ROBO1: variants seen among roughly 807,000 people sequenced by gnomAD.
ROBO1 encodes roundabout homolog 1.
Under a neutral mutation model 195.9 loss-of-function variants are expected in ROBO1, and 149 were observed. The ratio of observed to expected loss-of-function variants is 0.76; its 90% CI spans 0.67 to 0.87. ROBO1 has a LOEUF of 0.87. ROBO1 is among the 40% of genes least tolerant of loss of function. The pLI is 0.00. For missense variants in ROBO1, 1,933 were observed against 2,068.3 expected (o/e 0.93, Z 1.27); for synonymous variants, 816 against 733.2 (o/e 1.11, Z -1.82).
At chr3:79,500,773 G>C (rs1010780426) in intron 2 of ROBO1, among the ~76,000 whole-genome samples, 12 of 152,152 alleles carry the variant, frequency 7.9e-5, no homozygotes, top group Non-Finnish European at 1.3e-4. Context: ...CTTTTTCAGA[G>C]AGGCTAAATT....
intron 3 of ROBO1, 106 bp downstream of exon 3, chr3:79,125,350 A>C (rs1399328192): frequency 2.3e-6 from 2 of 873,300 alleles, no homozygotes; most frequent in Non-Finnish European, 3.7e-6. Context: ...TGTGGTTGTT[A>C]GCTGGAAGCA....
At chr3:79,704,826 T>A (rs1317634458) in intron 1 of ROBO1, among the ~76,000 whole-genome samples, 1 of 152,052 alleles carries the variant, frequency 6.6e-6, no homozygotes, top group Non-Finnish European at 1.5e-5. Context: ...AGTTCTTGTT[T>A]TTCCACATTC....
chr3:78,779,949 T>A (rs1028013381), intron 4 of ROBO1, among the ~76,000 whole-genome samples: 2 of 152,174 alleles, frequency 1.3e-5, no homozygotes, highest in African/African-American at 4.8e-5. Flanking sequence ...GTTCATGTCC[T>A]TTGCAAGGAC....
At chr3:79,481,970 T>C (rs1187181211) in intron 2 of ROBO1, among the ~76,000 whole-genome samples, 3 of 152,200 alleles carry the variant, frequency 2.0e-5, no homozygotes, top group African/African-American at 7.2e-5. Context: ...GTATATCCTA[T>C]GCTTTTTCCT....
intron 10 of ROBO1, among the ~76,000 whole-genome samples, chr3:78,675,049 A>G (rs1052887699): frequency 2.0e-5 from 3 of 152,092 alleles, no homozygotes; most frequent in Non-Finnish European, 4.4e-5. Flanking sequence ...TATAATACGT[A>G]TCATATACAG....
At chr3:79,206,910 T>C (rs933294373) in intron 2 of ROBO1, among the ~76,000 whole-genome samples, 3 of 152,178 alleles carry the variant, frequency 2.0e-5, no homozygotes, top group African/African-American at 7.2e-5. Context: ...TCATAAAATA[T>C]GTTACAATTT....
intron 1 of ROBO1, among the ~76,000 whole-genome samples, chr3:79,611,950 G>T (rs1178928117): frequency 6.6e-6 from 1 of 151,820 alleles, no homozygotes; most frequent in African/African-American, 2.4e-5. Flanking sequence ...AGAAAGAGAT[G>T]AAGTAATGTT....
At chr3:78,928,724 C>T (rs190860106) in intron 4 of ROBO1, among the ~76,000 whole-genome samples, 35 of 152,262 alleles carry the variant, frequency 2.3e-4, no homozygotes, top group Admixed American at 9.2e-4. Flanking sequence ...CAAGAGTCAA[C>T]GAGATTGCAA....
At chr3:78,819,228 G>A (rs2030561497) in intron 4 of ROBO1, among the ~76,000 whole-genome samples, 1 of 151,948 alleles carries the variant, frequency 6.6e-6, no homozygotes, top group African/African-American at 2.4e-5. Flanking sequence ...TGTATTTGAT[G>A]CACATACGAT....
At chr3:79,673,141 T>C (rs959780413) in intron 1 of ROBO1, among the ~76,000 whole-genome samples, 2 of 152,024 alleles carry the variant, frequency 1.3e-5, no homozygotes, top group Admixed American at 6.6e-5. Context: ...ATAGAATTAT[T>C]CTCGAAAGCC....
intron 2 of ROBO1, among the ~76,000 whole-genome samples, chr3:79,378,827 C>A (rs1345540060): frequency 6.6e-6 from 1 of 152,152 alleles, no homozygotes; most frequent in Non-Finnish European, 1.5e-5. Flanking sequence ...GTGTACAAGA[C>A]AACGAAAGAG....
chr3:79,273,104 G>A (rs566162882), intron 2 of ROBO1, among the ~76,000 whole-genome samples: 1 of 152,200 alleles, frequency 6.6e-6, no homozygotes, highest in South Asian at 2.1e-4. Context: ...TATAAGAAAT[G>A]CTAAAGGAAG....
At chr3:78,980,011 A>G (rs974725915) in intron 3 of ROBO1, among the ~76,000 whole-genome samples, 18 of 152,180 alleles carry the variant, frequency 1.2e-4, no homozygotes, top group African/African-American at 3.9e-4. Flanking sequence ...CACCTTGAGC[A>G]TGTTACAAGT....
intron 5 of ROBO1, among the ~76,000 whole-genome samples, chr3:78,730,506 A>C (rs1159263770): frequency 1.5e-5 from 1 of 65,290 alleles, no homozygotes; most frequent in African/African-American, 3.0e-5. Flanking sequence ...CAGAAGAAGA[A>C]ATATTCCTAA....
At chr3:79,069,077 T>G (rs149048260) in intron 3 of ROBO1, among the ~76,000 whole-genome samples, 407 of 151,974 alleles carry the variant, frequency 2.7e-3, no homozygotes, top group African/African-American at 9.1e-3. Flanking sequence ...AAATTAAAAT[T>G]CTAGTTTTTA....
At chr3:78,950,877 T>G (rs367834027) in intron 3 of ROBO1, among the ~76,000 whole-genome samples, 4 of 151,882 alleles carry the variant, frequency 2.6e-5, no homozygotes, top group East Asian at 3.9e-4. Flanking sequence ...TGAGCTTACA[T>G]TGCTGAGTAA....
chr3:79,700,467 C>T (rs1053313644), intron 1 of ROBO1, among the ~76,000 whole-genome samples: 1 of 151,612 alleles, frequency 6.6e-6, no homozygotes, highest in Non-Finnish European at 1.5e-5. Flanking sequence ...TCCACAGTGG[C>T]TGAACTAATA....
At chr3:79,021,949 G>A (rs894183949) in intron 3 of ROBO1, among the ~76,000 whole-genome samples, 7 of 152,092 alleles carry the variant, frequency 4.6e-5, no homozygotes, top group South Asian at 2.1e-4. Flanking sequence ...CGTGAGCCCT[G>A]CCGCGCCCGG....
intron 4 of ROBO1, among the ~76,000 whole-genome samples, chr3:78,900,413 T>C (rs936792508): frequency 6.6e-6 from 1 of 152,168 alleles, no homozygotes; most frequent in African/African-American, 2.4e-5. Context: ...TTTCAGAATA[T>C]TTTGACAGAC....
Sources: gnomAD v4.1 joint callset for allele counts (sites outside exome capture counted in the v4.1 genomes callset) on GRCh38, gnomAD v4.1.1 for gene constraint, MANE v1.5 for transcripts, NCBI Gene and HGNC (gene_info 2026-07-23, HGNC 2026-07-21) for gene names.